CFAP74: variants seen among roughly 807,000 people sequenced by gnomAD.
The protein encoded by CFAP74 is cilia and flagella associated protein 74.
CFAP74 carries 124 observed loss-of-function variants against 188.9 expected under a neutral mutation model. The ratio of observed to expected loss-of-function variants is 0.66; its 90% CI spans 0.57 to 0.76. The LOEUF (loss-of-function observed/expected upper bound fraction) is 0.76, where lower values mean the gene tolerates loss of function less well. CFAP74 is among the 30% of genes least tolerant of loss of function. The pLI, the probability that CFAP74 is intolerant of heterozygous loss-of-function variation, is 0.00. For missense variants in CFAP74, 2,198 were observed against 2,165.2 expected, an observed-to-expected ratio of 1.02 and a Z score of -0.30; for synonymous variants, 956 against 916.7, an observed-to-expected ratio of 1.04 and a Z score of -0.77.
chr1:1,931,943 G>A (rs1049928261), intron 25 of CFAP74, among the ~76,000 whole-genome samples: 3 of 151,082 alleles, frequency 2.0e-5, no homozygotes, highest in African/African-American at 7.3e-5. Context: ...GCCGGTGCCT[G>A]TAATCCCAGC....
At chr1:1,926,403 C>T in intron 31 of CFAP74, 54 bp downstream of exon 31, 2 of 1,549,402 alleles carry the variant, frequency 1.3e-6, no homozygotes, top group South Asian at 2.4e-5. Context: ...ACCACGCCCT[C>T]CCCGGTCCCC....
rs113867831 is a variant in CFAP74, at chr1:1,941,833, C to G, written c.2615+195G>C. ...ACTTCAACTCGGCTCACATCTTAAA[C>G]AAAAGCAACCAAAACGGACCACAGA... On this transcript the variant is annotated intron_variant, in intron 22 of 38. Transcript: ENST00000682832. 2.3e-3 allele frequency among the ~76,000 whole-genome samples: 349 copies of G among 152,328 alleles called. 1 individual carries two copies. The highest frequency in any genetic ancestry group is 8.0e-3 in the African/African-American group (334 of 41,582).
At chr1:1,981,218 G>A (rs370320472) in intron 6 of CFAP74, among the ~76,000 whole-genome samples, 12 of 152,250 alleles carry the variant, frequency 7.9e-5, no homozygotes, top group East Asian at 5.8e-4. Flanking sequence ...CCCACTGAGT[G>A]GAAGCTGAAG....
intron 11 of CFAP74, among the ~76,000 whole-genome samples, chr1:1,967,335 A>G (rs1407718481): frequency 6.6e-6 from 1 of 151,162 alleles, no homozygotes; most frequent in African/African-American, 2.4e-5. Flanking sequence ...CGTCCTATGG[A>G]GCGACAGACA....
At chr1:1,991,527 C>T (rs143688958) in intron 1 of CFAP74, among the ~76,000 whole-genome samples, 3,152 of 152,062 alleles carry the variant, frequency 0.021, 56 homozygotes, top group Non-Finnish European at 0.028. Context: ...TGCTTGAACC[C>T]GGGAGGCAGA....
At position 1,928,681 on chromosome 1, in the gene CFAP74, C is replaced by T. The variant is rs147205018; in HGVS notation, c.3387+103G>A. The T allele has an allele frequency of 6.5e-5, 52 of 799,346 alleles. No individual in the cohort carries two copies. The African/African-American group carries it at 7.0e-4, about 11-fold the overall frequency. 49.5% of individuals were successfully genotyped at this position (799,346 alleles called of 1,614,324 possible). A position where few individuals can be genotyped will look rare whatever the true frequency, so the allele number is the denominator to read the frequency against. On this transcript the variant is annotated intron_variant, in intron 27 of 38. Coordinates refer to ENST00000682832, the MANE Select transcript of CFAP74 (RefSeq NM_001304360.2). ...GCTTGGGAAAGGTCTACCCTGTGCT[C>T]CCGGCACGTGGCCGGAGCCCCCCAG...
chr1:1,970,994 A>G (rs547302310), intron 9 of CFAP74, among the ~76,000 whole-genome samples, 178 bp from the exon 10 acceptor site: 2 of 150,032 alleles, frequency 1.3e-5, no homozygotes, highest in South Asian at 2.1e-4. Flanking sequence ...ACGTGCACAC[A>G]CACACGCACA....
intron 1 of CFAP74, among the ~76,000 whole-genome samples, chr1:1,995,166 G>C (rs1657849508): frequency 6.6e-6 from 1 of 152,204 alleles, no homozygotes; most frequent in African/African-American, 2.4e-5. Flanking sequence ...AAAATCATCA[G>C]AAATGCCGGA....
chr1:1,926,505 G>A lies in CFAP74; in HGVS notation c.3780C>T (p.Arg1260=). The stretch of plus-strand genomic sequence containing the variant: ...TCTGGATGGAGATCTTCTTGATACT[G>A]CGGTGCCCTGAAATGGGGCAGGGAG... ...FNFGDVAVGH[R]SIKKISIQNV... is the part of the protein sequence containing the mutation. Residue 1260 remains arginine, a synonymous_variant, in exon 31 of 39, where the codon CGC becomes CGT. Coordinates refer to ENST00000682832, the MANE Select transcript of CFAP74 (RefSeq NM_001304360.2). The A allele has an allele frequency of 6.5e-7, 1 of 1,550,170 alleles. No homozygotes were observed. Among genetic ancestry groups the A allele is most frequent in the South Asian group, 1.2e-5 (1 of 84,056 alleles).
chr1:1,975,886 C>G lies in CFAP74; in HGVS notation c.501-1688G>C, dbSNP rs1485130345. ...CCTGCAGGGTCTCTTAGTAAAGAGG[C>G]AAGACGCTGTCCCAGATGCTGTCGT... On this transcript the variant is annotated intron_variant, in intron 6 of 38. Coordinates refer to ENST00000682832, the MANE Select transcript of CFAP74 (RefSeq NM_001304360.2). This position sits in a 1 kb window ranked among gnomAD's most constrained non-coding sequence, Gnocchi z 4.5. 2.0e-5 allele frequency among the ~76,000 whole-genome samples: 3 copies of G among 152,304 alleles called. No homozygotes were observed. In the East Asian group the frequency reaches 5.8e-4, roughly 29 times the overall value.
intron 4 of CFAP74, among the ~76,000 whole-genome samples, chr1:1,987,602 C>T (rs146761419): frequency 4.0e-5 from 6 of 151,638 alleles, no homozygotes; most frequent in African/African-American, 4.8e-5. Flanking sequence ...AGTGCAGTGG[C>T]GCGATCTCGG....
chr1:1,930,437 GC>G, intron 25 of CFAP74, 101 bp from the exon 26 acceptor site: 1 of 1,218,892 alleles, frequency 8.2e-7, no homozygotes, highest in Non-Finnish European at 1.1e-6. Flanking sequence ...CCCGGGGGGG[GC>G]TCACAGGGAC....
At chr1:1,941,036 C>A (rs188194417) in intron 22 of CFAP74, among the ~76,000 whole-genome samples, 1,545 of 152,188 alleles carry the variant, frequency 0.01, 27 homozygotes, top group African/African-American at 0.034. Context: ...TGGCGTGAAC[C>A]CGGGAGGCAG....
In CFAP74 at chr1:1,959,150, A is replaced by C. The variant is rs1206247596; in HGVS notation, c.1821T>G (p.Val607=). The C allele has an allele frequency of 6.2e-7, 1 of 1,612,460 alleles. No individual in the cohort carries two copies. Among genetic ancestry groups the C allele is most frequent in the African/African-American group, 1.3e-5 (1 of 74,870 alleles). The change falls in exon 16 of 39, where the codon GTT becomes GTG. Residue 607 remains valine (V), a synonymous_variant. Transcript: ENST00000682832. ...ATTTCTTTGTTGAACATTTCAGTGG[A>C]ACTGAAAACTCGCCCGTCTGAGCCA... is the stretch of plus-strand genomic sequence containing the variant. ...SFLAQTGEFS[V]PLKCSTKKCS...
chr1:1,955,209 C>T (rs988504472), intron 18 of CFAP74: 40 of 1,289,070 alleles, frequency 3.1e-5, no homozygotes, highest in Admixed American at 6.9e-5. Flanking sequence ...TGTGGGAAAA[C>T]GATCAAGAGA....
chr1:1,931,114 A>G (rs143733629), intron 25 of CFAP74, among the ~76,000 whole-genome samples: 1 of 152,346 alleles, frequency 6.6e-6, no homozygotes, highest in Non-Finnish European at 1.5e-5. Flanking sequence ...TCCTGTGACC[A>G]CAGGCTCTAA....
intron 11 of CFAP74, among the ~76,000 whole-genome samples, chr1:1,967,475 G>A (rs1454137535): frequency 2.6e-5 from 4 of 152,172 alleles, no homozygotes; most frequent in Non-Finnish European, 4.4e-5. Context: ...CTGGAGCAAG[G>A]AGGCGCAGCA....
chr1:1,958,433 C>T (rs367760350), intron 16 of CFAP74, among the ~76,000 whole-genome samples: 1 of 152,246 alleles, frequency 6.6e-6, no homozygotes, highest in African/African-American at 2.4e-5. Context: ...TGGAGTCCAG[C>T]CTGGACGGGG....
rs1028169859 is a variant in CFAP74 at position 1,946,364 on chromosome 1, C to G, written c.2317G>C (p.Val773Leu). 3.3e-6 allele frequency: 5 copies of G among 1,536,776 alleles called. No homozygotes were observed. In the African/African-American group the frequency reaches 6.8e-5, roughly 21 times the overall value. The change falls in exon 20 of 39, where the codon GTC becomes CTC. Residue 773 changes from valine (V) to leucine (L), a missense_variant. By Grantham distance (32) the Val-to-Leu change is conservative. Transcript: ENST00000682832. ...AACGTGACTTTGAACCTGGCTTGGA[C>G]GTCGCCTGGGACGACCGGAGTGAAG... ...IVFTPVVPGD[V>L]QARFKVTFKN... is the part of the protein sequence containing the mutation.
Sources: allele counts gnomAD v4.1 joint callset (sites outside exome capture counted in the v4.1 genomes callset), GRCh38; gene constraint gnomAD v4.1.1; non-coding constraint Gnocchi (gnomAD v3.1); transcripts MANE v1.5; gene names NCBI Gene and HGNC (gene_info 2026-07-23, HGNC 2026-07-21).